EFHC2: variants seen among roughly 807,000 people sequenced by gnomAD.
EFHC2 encodes EF-hand domain-containing family member C2.
In EFHC2, 18 loss-of-function variants were observed where a neutral mutation model predicts 52.7. The ratio of observed to expected loss-of-function variants is 0.34; its 90% confidence interval spans 0.24 to 0.51. The LOEUF (loss-of-function observed/expected upper bound fraction) is 0.51. Ranked by LOEUF, EFHC2 falls within the 20% of genes least tolerant of loss-of-function variation. The probability of loss-of-function intolerance (pLI) is 0.97; values close to 1 mark genes in which losing one functional copy is unlikely to be tolerated. For missense variants in EFHC2, 513 were observed against 562.5 expected, an observed-to-expected ratio of 0.91 and a Z score of 0.89; for synonymous variants, 203 against 204.1, an observed-to-expected ratio of 0.99 and a Z score of 0.04.
Position 44,261,276 on chromosome X carries a change from C to G in EFHC2, c.405G>C (p.Arg135=), listed in dbSNP as rs1225772973. The change falls in exon 4 of 15, where the codon CGG becomes CGC. Residue 135 remains arginine (R), a synonymous_variant. Coordinates refer to ENST00000420999, the MANE Select transcript of EFHC2 (RefSeq NM_025184.4). The part of the protein sequence containing the change: ...LLQGTSIRRH[R]ITLPPPDEDQ... ...CCTCATCAGGAGGCGGAAGAGTAAT[C>G]CGATGACGCCGGATAGAAGTCCCTA... The G allele has an allele frequency of 8.4e-7, 1 of 1,191,177 alleles. No homozygotes were observed. The highest frequency in any genetic ancestry group is 3.0e-5 in the East Asian group (1 of 33,475).
chrX:44,319,680 C>T (rs2038005744), intron 1 of EFHC2, among the ~76,000 whole-genome samples: 1 of 112,166 alleles, frequency 8.9e-6, no homozygotes, highest in South Asian at 3.7e-4. Context: ...CTTACCATGA[C>T]CTTCCACTTA....
At chrX:44,282,658 G>GGGGGGGGGA (rs2037714079) in intron 2 of EFHC2, among the ~76,000 whole-genome samples, 1 of 6,367 alleles carries the variant, frequency 1.6e-4, no homozygotes, top group Non-Finnish European at 3.0e-4. Flanking sequence ...GGGGGGGTGG[G>GGGGGGGGGA]AGAGGAGGAC....
intron 3 of EFHC2, among the ~76,000 whole-genome samples, chrX:44,270,838 C>T (rs960777292): frequency 9.0e-6 from 1 of 110,753 alleles, no homozygotes; most frequent in African/African-American, 3.3e-5. Flanking sequence ...CTGCATCTCC[C>T]CAACAGAGCA....
intron 4 of EFHC2, among the ~76,000 whole-genome samples, chrX:44,251,020 C>T (rs1355527674): frequency 6.6e-5 from 7 of 106,417 alleles, no homozygotes; most frequent in Non-Finnish European, 1.2e-4. Context: ...AGGTGGATCA[C>T]GAGGTCAGGA....
At chrX:44,157,742 C>A (rs752530851) in intron 14 of EFHC2, among the ~76,000 whole-genome samples, 1 of 75,122 alleles carries the variant, frequency 1.3e-5, no homozygotes, top group Non-Finnish European at 2.5e-5. Flanking sequence ...CTCCACCCCC[C>A]TCCCCGCCCC....
At chrX:44,250,111 A>G in intron 5 of EFHC2, 83 bp downstream of exon 5, 2 of 1,091,695 alleles carry the variant, frequency 1.8e-6, no homozygotes, top group Non-Finnish European at 2.4e-6. Context: ...CTATCATCAT[A>G]TAGTCATAAC....
At chrX:44,158,872 G>T (rs1412699890) in intron 14 of EFHC2, among the ~76,000 whole-genome samples, 1 of 112,027 alleles carries the variant, frequency 8.9e-6, no homozygotes, top group East Asian at 2.8e-4. Context: ...GTAGTTGGTT[G>T]CCAAGCTGTG....
intron 7 of EFHC2, 124 bp downstream of exon 7, chrX:44,248,148 A>G: frequency 3.4e-6 from 2 of 581,017 alleles, no homozygotes; most frequent in African/African-American, 4.6e-5. Context: ...GCTGGAAGAT[A>G]GCAAATGCAC....
At chrX:44,236,240 A>G (rs957637332) in intron 8 of EFHC2, among the ~76,000 whole-genome samples, 1 of 112,493 alleles carries the variant, frequency 8.9e-6, no homozygotes, top group African/African-American at 3.2e-5. Context: ...GACTAAAGAT[A>G]GGATCAAATT....
At chrX:44,165,617 T>C (rs2036691080) in intron 13 of EFHC2, among the ~76,000 whole-genome samples, 1 of 112,056 alleles carries the variant, frequency 8.9e-6, no homozygotes, top group African/African-American at 3.2e-5. Flanking sequence ...TTTCCTAATA[T>C]CCTGAGTAGG....
chrX:44,219,143 GT>G (rs2037174067), intron 11 of EFHC2, among the ~76,000 whole-genome samples: 1 of 41,081 alleles, frequency 2.4e-5, no homozygotes, highest in East Asian at 6.9e-4. Context: ...ACCACCTATA[GT>G]TAAAAAAAAA....
chrX:44,159,140 C>T (rs993444224), intron 14 of EFHC2, among the ~76,000 whole-genome samples: 4 of 111,392 alleles, frequency 3.6e-5, no homozygotes, highest in African/African-American at 1.3e-4. Flanking sequence ...CATCACAGTT[C>T]GACTTCTCCC....
At chrX:44,301,177 A>G (rs1218433930) in intron 2 of EFHC2, among the ~76,000 whole-genome samples, 5 of 109,212 alleles carry the variant, frequency 4.6e-5, no homozygotes, top group African/African-American at 1.3e-4. Context: ...CCTGTACTCA[A>G]TGGATCAGCT....
chrX:44,221,045 ATT>A (rs2037189948), intron 11 of EFHC2, among the ~76,000 whole-genome samples: 1 of 111,731 alleles, frequency 9.0e-6, no homozygotes, highest in Non-Finnish European at 1.9e-5. Flanking sequence ...ATATTTCATC[ATT>A]GTTTCAGTTT....
intron 11 of EFHC2, among the ~76,000 whole-genome samples, chrX:44,217,998 T>TA (rs1156876558): frequency 9.0e-6 from 1 of 111,180 alleles, no homozygotes; most frequent in African/African-American, 3.3e-5. Context: ...TAAGAAATTG[T>TA]AAATTAAAAA....
At chrX:44,318,672 A>G (rs1171031172) in intron 1 of EFHC2, among the ~76,000 whole-genome samples, 1 of 111,859 alleles carries the variant, frequency 8.9e-6, no homozygotes, top group Non-Finnish European at 1.9e-5. Flanking sequence ...CGTCGTGTAC[A>G]TGCACCATAA....
At chrX:44,233,114 T>C (rs749696483) in intron 9 of EFHC2, among the ~76,000 whole-genome samples, 1 of 112,120 alleles carries the variant, frequency 8.9e-6, no homozygotes, top group Non-Finnish European at 1.9e-5. Flanking sequence ...GGACCTCCTA[T>C]ATATGCCCAG....
intron 2 of EFHC2, 50 bp from the exon 3 acceptor site, chrX:44,272,886 A>G (rs1339355376): frequency 2.9e-6 from 3 of 1,038,679 alleles, no homozygotes; most frequent in South Asian, 2.2e-5. Flanking sequence ...AATTCAGCAA[A>G]CTTAAAATTA....
At chrX:44,290,138 C>T (rs2037782672) in intron 2 of EFHC2, among the ~76,000 whole-genome samples, 1 of 112,186 alleles carries the variant, frequency 8.9e-6, no homozygotes, top group Non-Finnish European at 1.9e-5. Context: ...CTGCCATCAT[C>T]TCATTGCTCT....
Sources: allele counts gnomAD v4.1 joint callset (sites outside exome capture counted in the v4.1 genomes callset), GRCh38; gene constraint gnomAD v4.1.1; transcripts MANE v1.5; gene names NCBI Gene and HGNC (gene_info 2026-07-23, HGNC 2026-07-21).